Variants in SLC25A26 observed in about 807,000 individuals in gnomAD.
SLC25A26 encodes the protein mitochondrial S-adenosylmethionine carrier protein.
A neutral mutation model predicts 37.8 loss-of-function variants in SLC25A26; 36 were observed. The ratio of observed to expected loss-of-function variants is 0.95; its 90% CI spans 0.73 to 1.26. The LOEUF (loss-of-function observed/expected upper bound fraction) is 1.26, where lower values mean the gene tolerates loss of function less well. Ranked by LOEUF, SLC25A26 falls within the 50% of genes most tolerant of loss-of-function variation. The probability of loss-of-function intolerance (pLI) is 0.00; values close to 1 mark genes in which losing one functional copy is unlikely to be tolerated. For synonymous variants in SLC25A26, 129 were observed against 122.5 expected (o/e 1.05, Z -0.35); for missense variants, 390 against 331.1 (o/e 1.18, Z -1.38).
chr3:66,150,639 T>C (rs1227710503), intron 1 of SLC25A26, among the ~76,000 whole-genome samples: 31 of 89,876 alleles, frequency 3.4e-4, no homozygotes, highest in African/African-American at 1.2e-3. Context: ...TATATATATA[T>C]ATATATATAT....
intron 1 of SLC25A26, among the ~76,000 whole-genome samples, chr3:66,146,437 G>T (rs2070115831): frequency 6.6e-6 from 1 of 151,768 alleles, no homozygotes; most frequent in African/African-American, 2.4e-5. Flanking sequence ...ATATAATATG[G>T]AAAGTTATAT....
chr3:66,298,584 G>A (rs1329199013), intron 5 of SLC25A26, among the ~76,000 whole-genome samples: 1 of 152,128 alleles, frequency 6.6e-6, no homozygotes, highest in Admixed American at 6.5e-5. Flanking sequence ...CTTAAGAAAA[G>A]AGCATTTAAG....
At chr3:66,281,558 A>C (rs73833447) in intron 5 of SLC25A26, among the ~76,000 whole-genome samples, 9,660 of 152,056 alleles carry the variant, frequency 0.064, 341 homozygotes, top group South Asian at 0.074. Context: ...ATCCCCATGG[A>C]CTCATGGATT....
chr3:66,376,826 A>C (rs1272864886), intron 9 of SLC25A26, among the ~76,000 whole-genome samples: 1 of 152,180 alleles, frequency 6.6e-6, no homozygotes, highest in African/African-American at 2.4e-5. Context: ...GCAGGCATTC[A>C]GTTTAGGGCT....
At chr3:66,205,133 A>G (rs1411103412) in intron 1 of SLC25A26, among the ~76,000 whole-genome samples, 3 of 152,226 alleles carry the variant, frequency 2.0e-5, no homozygotes, top group African/African-American at 7.2e-5. Context: ...TGAAGCCTGC[A>G]ATGTGCAACA....
intron 5 of SLC25A26, among the ~76,000 whole-genome samples, chr3:66,264,978 A>G (rs2073686461): frequency 6.6e-6 from 1 of 152,178 alleles, no homozygotes; most frequent in African/African-American, 2.4e-5. Context: ...TGAAAGAGCA[A>G]AAGTTTACCA....
intron 5 of SLC25A26, among the ~76,000 whole-genome samples, chr3:66,328,966 C>CT (rs2075905840): frequency 6.6e-6 from 1 of 152,106 alleles, no homozygotes; most frequent in Admixed American, 6.5e-5. Flanking sequence ...TGCCACCTAG[C>CT]TTTTTAAAAG....
intron 3 of SLC25A26, among the ~76,000 whole-genome samples, chr3:66,257,285 TTATACA>T (rs2073341359): frequency 6.6e-6 from 1 of 151,878 alleles, no homozygotes; most frequent in African/African-American, 2.4e-5. Flanking sequence ...GTAAGAAAAA[TTATACA>T]TATATGCATC....
At chr3:66,257,744 C>T (rs1006290981) in intron 3 of SLC25A26, among the ~76,000 whole-genome samples, 4 of 152,180 alleles carry the variant, frequency 2.6e-5, no homozygotes, top group Non-Finnish European at 5.9e-5. Context: ...CTGTGGCCCT[C>T]TTAACTCTGA....
At chr3:66,320,763 T>C (rs965912065) in intron 5 of SLC25A26, among the ~76,000 whole-genome samples, 9 of 152,226 alleles carry the variant, frequency 5.9e-5, no homozygotes, top group Non-Finnish European at 1.2e-4. Flanking sequence ...CTCTTTAAAT[T>C]ATAGTCATAC....
upstream of SLC25A26, among the ~76,000 whole-genome samples, chr3:66,216,883 G>C (rs1043265167): frequency 3.3e-5 from 5 of 152,148 alleles, no homozygotes; most frequent in Non-Finnish European, 7.4e-5. Context: ...ATGATGCATT[G>C]AAATACTCCA....
chr3:66,144,571 A>G (rs1000268489), intron 1 of SLC25A26, among the ~76,000 whole-genome samples: 9 of 152,138 alleles, frequency 5.9e-5, no homozygotes, highest in African/African-American at 1.7e-4. Context: ...GTGGAGTACA[A>G]TTTGGTACTA....
At chr3:66,321,039 C>T (rs1277931551) in intron 5 of SLC25A26, among the ~76,000 whole-genome samples, 1 of 151,944 alleles carries the variant, frequency 6.6e-6, no homozygotes, top group Non-Finnish European at 1.5e-5. Flanking sequence ...GGGGTGGAGG[C>T]CCCATGATGG....
Position 66,362,870 on chromosome 3 carries a change from C to G in SLC25A26, c.509C>G (p.Ser170Cys). The G allele has an allele frequency of 6.2e-7, 1 of 1,604,204 alleles. No individual in the cohort carries two copies. Among genetic ancestry groups the G allele is most frequent in the East Asian group, 2.2e-5 (1 of 44,592 alleles). Reference sequence around the variant, plus strand: ...TCTCCTTAAACACAGGCCCTCTGGTCCTGGAGGCAGGATCATGTGGTGGAT... The same window carrying G: ...TCTCCTTAAACACAGGCCCTCTGGTGCTGGAGGCAGGATCATGTGGTGGAT... ...PLWESLKALW[S>C]WRQDHVVDSW... The change falls in exon 7 of 10, where the codon TCC becomes TGC. Residue 170 changes from serine (S) to cysteine (C), a missense_variant. Physicochemically the swap from Ser to Cys is moderately radical, Grantham distance 112 (BLOSUM62 -1). Coordinates refer to ENST00000354883, the MANE Select transcript of SLC25A26 (RefSeq NM_001379210.1).
intron 5 of SLC25A26, chr3:66,304,618 C>T (rs2075165811): frequency 6.0e-6 from 2 of 334,322 alleles, no homozygotes. Flanking sequence ...TTTCAGGAAA[C>T]CATCGAGGTG....
chr3:66,304,587 C>T (rs1041472485), intron 5 of SLC25A26: 15 of 413,678 alleles, frequency 3.6e-5, no homozygotes, highest in African/African-American at 6.2e-5. Context: ...CTGGGATATA[C>T]GCTACATGGT....
At chr3:66,154,411 C>T (rs2070250329) in intron 1 of SLC25A26, among the ~76,000 whole-genome samples, 1 of 152,122 alleles carries the variant, frequency 6.6e-6, no homozygotes, top group African/African-American at 2.4e-5. Context: ...TATTATTCTT[C>T]CACACTTACT....
At chr3:66,288,313 T>C (rs2074582543) in intron 5 of SLC25A26, among the ~76,000 whole-genome samples, 1 of 152,072 alleles carries the variant, frequency 6.6e-6, no homozygotes, top group Non-Finnish European at 1.5e-5. Flanking sequence ...TATGTTGACA[T>C]TGGAAAGCAT....
intron 6 of SLC25A26, among the ~76,000 whole-genome samples, chr3:66,362,508 G>A (rs1575610506): frequency 6.6e-6 from 1 of 152,212 alleles, no homozygotes; most frequent in African/African-American, 2.4e-5. Context: ...TTGCTTGGGG[G>A]ATAGTGAGGA....
Sources: gnomAD v4.1 joint callset for allele counts (sites outside exome capture counted in the v4.1 genomes callset) on GRCh38, gnomAD v4.1.1 for gene constraint, MANE v1.5 for transcripts, NCBI Gene and HGNC (gene_info 2026-07-23, HGNC 2026-07-21) for gene names.